The following CHLSN variants were observed in gnomAD, a reference collection of about 807,000 sequenced individuals.
CHLSN encodes cholesin, also known as protein cholesin.
chr7:996,691 T>A, the CHLSN span, among the ~76,000 whole-genome samples: 1 of 152,210 alleles, frequency 6.6e-6, no homozygotes, highest in Non-Finnish European at 1.5e-5. Flanking sequence ...GCCTTCCCGG[T>A]GCCCCGCGGC....
chr7:981,998 T>C, the CHLSN span, among the ~76,000 whole-genome samples: 72 of 152,244 alleles, frequency 4.7e-4, no homozygotes, highest in African/African-American at 1.7e-3. Context: ...CACAGCACGG[T>C]AATCCAGCCT....
chr7:1,052,301 C>T, the CHLSN span, among the ~76,000 whole-genome samples: 1 of 152,242 alleles, frequency 6.6e-6, no homozygotes, highest in African/African-American at 2.4e-5. This position sits in a 1 kb window ranked among gnomAD's most constrained non-coding sequence, Gnocchi z 4.2. Flanking sequence ...CGGCTGGGGA[C>T]ACTCGCCTGA....
the CHLSN span, among the ~76,000 whole-genome samples, chr7:1,030,713 C>T: frequency 6.8e-6 from 1 of 147,620 alleles, no homozygotes; most frequent in East Asian, 2.0e-4. Context: ...GGCGGGGACT[C>T]TCTCTCTCCC....
chr7:1,136,109 T>C, the CHLSN span, among the ~76,000 whole-genome samples: 1 of 77,220 alleles, frequency 1.3e-5, no homozygotes, highest in African/African-American at 5.5e-5. Flanking sequence ...TATATAAATA[T>C]ATATACATAA....
chr7:1,117,821 T>G, the CHLSN span, among the ~76,000 whole-genome samples: 1 of 152,218 alleles, frequency 6.6e-6, no homozygotes, highest in Non-Finnish European at 1.5e-5. Flanking sequence ...CCAGCTTCCA[T>G]CACCCACACG....
chr7:1,023,679 C>CACACACACACG, the CHLSN span, among the ~76,000 whole-genome samples: 1 of 109,894 alleles, frequency 9.1e-6, no homozygotes, highest in East Asian at 3.9e-4. The surrounding 1 kb of genome is among the most constrained non-coding windows in gnomAD (Gnocchi z 5.0). Context: ...ACACACACAC[C>CACACACACACG]AGCAACGCGC....
chr7:981,962 G>A, the CHLSN span, among the ~76,000 whole-genome samples: 1 of 152,146 alleles, frequency 6.6e-6, no homozygotes, highest in African/African-American at 2.4e-5. Context: ...GAGCCCCGGA[G>A]GTGGAGGCTG....
At chr7:1,117,845 G>A in the CHLSN span, among the ~76,000 whole-genome samples, 74 of 152,260 alleles carry the variant, frequency 4.9e-4, no homozygotes, top group South Asian at 1.4e-3. Context: ...TTTTCATTTT[G>A]TTTTGTTTTC....
At chr7:1,078,409 C>T in the CHLSN span, among the ~76,000 whole-genome samples, 1 of 152,058 alleles carries the variant, frequency 6.6e-6, no homozygotes, top group Non-Finnish European at 1.5e-5. Flanking sequence ...GCGAAGGGGG[C>T]CCCATGAGGC....
the CHLSN span, among the ~76,000 whole-genome samples, chr7:1,094,626 G>GA: frequency 6.6e-6 from 1 of 151,754 alleles, no homozygotes; most frequent in South Asian, 2.1e-4. Context: ...GTGAGTCCAG[G>GA]AAACTCTCTC....
chr7:1,044,224 G>A, the CHLSN span, among the ~76,000 whole-genome samples: 1 of 152,226 alleles, frequency 6.6e-6, no homozygotes, highest in Non-Finnish European at 1.5e-5. Context: ...CTGCAGATTA[G>A]GGTATATTCT....
At chr7:993,703 G>T in the CHLSN span, among the ~76,000 whole-genome samples, 3 of 152,200 alleles carry the variant, frequency 2.0e-5, no homozygotes, top group African/African-American at 7.2e-5. Flanking sequence ...CTGAGCCCAG[G>T]GGGGTGGAGG....
At chr7:1,051,228 C>T in the CHLSN span, among the ~76,000 whole-genome samples, 1 of 152,232 alleles carries the variant, frequency 6.6e-6, no homozygotes, top group African/African-American at 2.4e-5. Context: ...CCCATGAACA[C>T]TGTGTCCCAA....
the CHLSN span, among the ~76,000 whole-genome samples, chr7:1,050,766 T>C: frequency 1.3e-5 from 2 of 152,098 alleles, no homozygotes; most frequent in Non-Finnish European, 2.9e-5. Flanking sequence ...CACCGCTCAG[T>C]AGATGACACA....
At chr7:1,015,996 G>C in the CHLSN span, among the ~76,000 whole-genome samples, 47,270 of 143,468 alleles carry the variant, frequency 0.33, 9,189 homozygotes, top group African/African-American at 0.47. Context: ...TAGTGTCTGA[G>C]GTGTCACATG....
At chr7:1,011,370 AACAAATCC>A in the CHLSN span, among the ~76,000 whole-genome samples, 1 of 145,026 alleles carries the variant, frequency 6.9e-6, no homozygotes, top group Non-Finnish European at 1.5e-5. Flanking sequence ...ACACACATCC[AACAAATCC>A]ACAGACACCC....
chr7:1,132,422 G>A, the CHLSN span, among the ~76,000 whole-genome samples: 1 of 152,184 alleles, frequency 6.6e-6, no homozygotes, highest in Non-Finnish European at 1.5e-5. Flanking sequence ...GCTAGGCACT[G>A]TGGCTCACGC....
the CHLSN span, among the ~76,000 whole-genome samples, chr7:1,041,803 C>T: frequency 3.3e-5 from 5 of 152,092 alleles, no homozygotes; most frequent in African/African-American, 1.2e-4. Context: ...CACTCCCCGC[C>T]CCCCCGAGAA....
chr7:979,734 CAA>C, the CHLSN span, among the ~76,000 whole-genome samples: 1 of 136,216 alleles, frequency 7.3e-6, no homozygotes, highest in Non-Finnish European at 1.6e-5. Context: ...AACTCCGTCT[CAA>C]AAAAAAAAAA....
Sources: gnomAD v4.1 joint callset for allele counts (sites outside exome capture counted in the v4.1 genomes callset) on GRCh38, gnomAD v4.1.1 for gene constraint, Gnocchi (gnomAD v3.1) non-coding constraint, MANE v1.5 for transcripts, NCBI Gene and HGNC (gene_info 2026-07-23, HGNC 2026-07-21) for gene names.